The following CHD8 variants were observed in gnomAD, a reference collection of about 807,000 sequenced individuals.
CHD8 encodes chromodomain helicase DNA binding protein 8, also known as ATP-dependent chromatin remodeler CHD8.
CHD8 carries 31 observed loss-of-function variants against 279.2 expected under a neutral mutation model. The ratio of observed to expected loss-of-function variants is 0.11; its 90% CI spans 0.08 to 0.15. CHD8 has a LOEUF of 0.15. Among genes scored for constraint, CHD8 ranks in the 10% least tolerant of loss-of-function variants. The pLI, the probability that CHD8 is intolerant of heterozygous loss-of-function variation, is 1.00. For missense variants in CHD8, 2,146 were observed against 3,230.5 expected, an observed-to-expected ratio of 0.66 and a Z score of 8.14; for synonymous variants, 1,081 against 1,139.6, an observed-to-expected ratio of 0.95 and a Z score of 1.04.
chr14:21,385,662 T>C lies in CHD8; in HGVS notation c.7697A>G (p.Asp2566Gly). The C allele has an allele frequency of 6.4e-7, 1 of 1,551,924 alleles. No individual in the cohort carries two copies. Among genetic ancestry groups the C allele is most frequent in the Non-Finnish European group, 8.7e-7 (1 of 1,147,044 alleles). The stretch of plus-strand genomic sequence containing the variant: ...GTCTGAGTTAGCTGGCATCATAGGA[T>C]CATCAATGAGTGAGAAGTCCCTTTC... The part of the protein sequence containing the change: ...SSERDFSLID[D>G]PMMPANSDSS... Residue 2566 changes from aspartate (D) to glycine (G), a missense_variant, in exon 38 of 38, where the codon GAT becomes GGT. Transcript: ENST00000646647.
intron 5 of CHD8, among the ~76,000 whole-genome samples, chr14:21,421,036 C>T (rs528719208): frequency 5.3e-4 from 80 of 152,278 alleles, no homozygotes; most frequent in African/African-American, 1.8e-3. Context: ...GCTGGGATTA[C>T]CGGCATGAGC....
chr14:21,390,768 CA>C lies in CHD8; in HGVS notation c.7182+178del, dbSNP rs34364818. On this transcript the variant is annotated intron_variant, in intron 37 of 37. Coordinates refer to ENST00000646647, the MANE Select transcript of CHD8 (RefSeq NM_001170629.2). Reference sequence around the variant, plus strand: ...ACGACAGCAGAGTGAGACTCCGTCTCAAAAAAAAAAAAAAAACCCCAGAAAA... The same window carrying C: ...ACGACAGCAGAGTGAGACTCCGTCTCAAAAAAAAAAAAAAACCCCAGAAAA... Among the ~76,000 whole-genome samples, 1,031 of 136,074 alleles carry C rather than the reference CA, an allele frequency of 7.6e-3. 5 individuals carry two copies. Among genetic ancestry groups the C allele is most frequent in the African/African-American group, 0.017 (633 of 36,414 alleles). The allele number at this position is 136,074 out of a possible 152,430, so 89.3% of individuals were successfully genotyped here. A position where few individuals can be genotyped will look rare whatever the true frequency, so the allele number is the denominator to read the frequency against.
rs1318402783 is a variant in CHD8, at chr14:21,405,817, T to C, written c.2955A>G (p.Glu985=). Residue 985 remains glutamate, a synonymous_variant, in exon 15 of 38, where the codon GAA becomes GAG. Coordinates refer to ENST00000646647, the MANE Select transcript of CHD8 (RefSeq NM_001170629.2). This position sits in a 1 kb window ranked among gnomAD's most constrained non-coding sequence, Gnocchi z 4.2. The stretch of plus-strand genomic sequence containing the variant: ...AGAAATGAAGCAAGCTAAACAGTTC[T>C]TCTACAGTATTTTGCAATGGTGTTC... ...LTGTPLQNTV[E]ELFSLLHFLE... is the part of the protein sequence containing the mutation. 2.5e-6 allele frequency: 4 copies of C among 1,613,740 alleles called. No homozygotes were observed. In the African/African-American group the frequency reaches 4.0e-5, roughly 16 times the overall value.
intron 5 of CHD8, 78 bp downstream of exon 5, chr14:21,426,050 T>A: frequency 1.2e-6 from 1 of 862,832 alleles, no homozygotes; most frequent in South Asian, 1.5e-5. Context: ...AGACTTACGA[T>A]TTCTCAATAT....
chr14:21,391,876 G>C lies in CHD8; in HGVS notation c.6842C>G (p.Pro2281Arg), dbSNP rs1264724656. The C allele has an allele frequency of 8.7e-6, 14 of 1,613,696 alleles. No homozygotes were observed. Among genetic ancestry groups the C allele is most frequent in the Non-Finnish European group, 1.1e-5 (13 of 1,179,670 alleles). ...MANGVMGDGH[P>R]LFHKKKGNRK... is the part of the protein sequence containing the mutation. ...GTTCCCCTTCTTCTTATGAAACAGT[G>C]GATGTCCATCTCCCATTACTCCATT... The change falls in exon 35 of 38, where the codon CCA becomes CGA. Residue 2281 changes from proline (P) to arginine (R), a missense_variant. This residue lies in a region of CHD8 where 336 missense variants were observed against 392.9 expected (regional missense o/e 0.86). Coordinates refer to ENST00000646647, the MANE Select transcript of CHD8 (RefSeq NM_001170629.2).
intron 33 of CHD8, 120 bp downstream of exon 33, chr14:21,392,986 A>AC (rs1887617722): frequency 6.3e-6 from 8 of 1,270,138 alleles, no homozygotes; most frequent in East Asian, 2.5e-5. Context: ...AAAAAAAAAA[A>AC]AAACTTGCAG....
rs1445092999 is a variant in CHD8 at position 21,429,291 on chromosome 14, A to G, written c.888T>C (p.Ser296=). Reference sequence around the variant, plus strand: ...CATGCCGATGTCCTTGGGGACCTCCAGACTGTGGCTGCTGGAGGACCAGGG... The same window carrying G: ...CATGCCGATGTCCTTGGGGACCTCCGGACTGTGGCTGCTGGAGGACCAGGG... ...RITLVLQQPQ[S]GGPQGHRHVV... Residue 296 remains serine (S), a synonymous_variant, in exon 3 of 38, where the codon TCT becomes TCC. Transcript: ENST00000646647. 6.2e-7 allele frequency: 1 copy of G among 1,606,412 alleles called. No homozygotes were observed. The highest frequency in any genetic ancestry group is 1.7e-5 in the Admixed American group (1 of 59,702).
Position 21,402,526 on chromosome 14 carries a change from G to A in CHD8, c.3715-23C>T. 4.5e-6 allele frequency: 7 copies of A among 1,552,098 alleles called. No homozygotes were observed. Among genetic ancestry groups the A allele is most frequent in the East Asian group, 2.3e-5 (1 of 43,862 alleles). ...GGCCTGGTTTAAAATAAAAACGAAA[G>A]GAAAGGAGAAAGATATCATAAAATT... On this transcript the variant is annotated intron_variant, in intron 18 of 37. Transcript: ENST00000646647. The surrounding 1 kb of genome is among the most constrained non-coding windows in gnomAD (Gnocchi z 4.5).
At chr14:21,386,720 C>T (rs924344980) in intron 37 of CHD8, among the ~76,000 whole-genome samples, 19 of 151,912 alleles carry the variant, frequency 1.3e-4, no homozygotes, top group African/African-American at 4.4e-4. Flanking sequence ...GCCTGTAGTC[C>T]CACAGCTACT....
In CHD8 at chr14:21,400,290, G is replaced by A; in HGVS notation, c.4588C>T (p.Pro1530Ser). Reference protein sequence around the residue: ...QNHSGLSIPVPRGRKGKKVKS... With the variant: ...QNHSGLSIPVSRGRKGKKVKS... ...ACTTTTTTTCCTTTGCGTCCACGAG[G>A]CACAGGGATAGATAGACCTGGGAAA... is the stretch of plus-strand genomic sequence containing the variant. The change falls in exon 24 of 38, where the codon CCT becomes TCT. Residue 1530 changes from proline (P) to serine (S), a missense_variant. Physicochemically the swap from Pro to Ser is moderately conservative, Grantham distance 74 (BLOSUM62 -1). Transcript: ENST00000646647. This position sits in a 1 kb window ranked among gnomAD's most constrained non-coding sequence, Gnocchi z 4.2. The A allele has an allele frequency of 3.7e-6, 6 of 1,613,938 alleles. No individual in the cohort carries two copies. The highest frequency in any genetic ancestry group is 5.1e-6 in the Non-Finnish European group (6 of 1,179,894).
In CHD8 at chr14:21,415,805, G is replaced by A; in HGVS notation, c.1819C>T (p.Pro607Ser). 6.2e-7 allele frequency: 1 copy of A among 1,613,882 alleles called. No individual in the cohort carries two copies. The highest frequency in any genetic ancestry group is 1.1e-5 in the South Asian group (1 of 91,076). Reference protein sequence around the residue: ...EEEEEVDVTGPIKPEPILPEP... With the variant: ...EEEEEVDVTGSIKPEPILPEP... ...GGGAGGATAGGCTCAGGTTTTATTGGACCAGTTACATCCACCTCTTCTTCT... is the reference window on the plus strand; with the variant it reads ...GGGAGGATAGGCTCAGGTTTTATTGAACCAGTTACATCCACCTCTTCTTCT... The change falls in exon 6 of 38, where the codon CCA becomes TCA. Residue 607 changes from proline (P) to serine (S), a missense_variant. Coordinates refer to ENST00000646647, the MANE Select transcript of CHD8 (RefSeq NM_001170629.2).
chr14:21,426,342 C>G, intron 4 of CHD8, 100 bp from the exon 5 acceptor site: 1 of 642,166 alleles, frequency 1.6e-6, no homozygotes, highest in Non-Finnish European at 2.7e-6. Context: ...AACTTCCAGA[C>G]AGAAGTTTTT....
At chr14:21,399,374 A>G in intron 26 of CHD8, 1 of 510,694 alleles carries the variant, frequency 2.0e-6, no homozygotes, top group South Asian at 2.1e-5. Context: ...TAGAGAACAG[A>G]TGGGAGGCTC....
At chr14:21,386,505 G>A (rs1426360619) in intron 37 of CHD8, among the ~76,000 whole-genome samples, 1 of 152,022 alleles carries the variant, frequency 6.6e-6, no homozygotes, top group African/African-American at 2.4e-5. Context: ...GTTAAGAAGG[G>A]GTCTGGGTAA....
rs1888210301 is a variant in CHD8, at chr14:21,405,219, A to G, written c.3297T>C (p.Tyr1099=). The change falls in exon 16 of 38, where the codon TAT becomes TAC. Residue 1099 remains tyrosine, a synonymous_variant. Transcript: ENST00000646647. This position sits in a 1 kb window ranked among gnomAD's most constrained non-coding sequence, Gnocchi z 4.2. ...MELRKCCNHP[Y]LINGAEEKIL... Reference sequence around the variant, plus strand: ...CAAGCATTCCCTCACCATTGATGAGATATGGGTGGTTGCAGCACTTGCGCA... The same window carrying G: ...CAAGCATTCCCTCACCATTGATGAGGTATGGGTGGTTGCAGCACTTGCGCA... 6.2e-7 allele frequency: 1 copy of G among 1,613,718 alleles called. No homozygotes were observed. Among genetic ancestry groups the G allele is most frequent in the Admixed American group, 1.7e-5 (1 of 59,984 alleles).
In CHD8 at chr14:21,407,029, G is replaced by T; in HGVS notation, c.2734C>A (p.Arg912Ser). The change falls in exon 14 of 38, where the codon CGC (arginine) becomes AGC (serine). Residue 912 changes from arginine (R) to serine (S), a missense_variant. Coordinates refer to ENST00000646647, the MANE Select transcript of CHD8 (RefSeq NM_001170629.2). ...YEMYCKDSRGRLIPGAYKFDA... is the reference protein window; with the variant it reads ...YEMYCKDSRGSLIPGAYKFDA... ...AACTTGTATGCGCCTGGGATGAGGC[G>T]TCCCTAAGCATGAAGGCAGTAAAGT... The T allele has an allele frequency of 6.4e-7, 1 of 1,574,136 alleles. No individual in the cohort carries two copies. Among genetic ancestry groups the T allele is most frequent in the Non-Finnish European group, 8.6e-7 (1 of 1,159,978 alleles).
chr14:21,434,810 C>A (rs1368011206), intron 1 of CHD8, among the ~76,000 whole-genome samples: 1 of 152,106 alleles, frequency 6.6e-6, no homozygotes, highest in Non-Finnish European at 1.5e-5. Context: ...CAAGATTAAA[C>A]CTTCTCCCAA....
rs1265391053 is a variant in CHD8, at chr14:21,386,070, A to G, written c.7289T>C (p.Met2430Thr). The G allele has an allele frequency of 6.3e-7, 1 of 1,584,242 alleles. No individual in the cohort carries two copies. Among genetic ancestry groups the G allele is most frequent in the Admixed American group, 1.8e-5 (1 of 55,800 alleles). The change falls in exon 38 of 38, where the codon ATG (methionine) becomes ACG (threonine). Residue 2430 changes from methionine (M) to threonine (T), a missense_variant. Physicochemically the swap from Met to Thr is moderately conservative, Grantham distance 81. Coordinates refer to ENST00000646647, the MANE Select transcript of CHD8 (RefSeq NM_001170629.2). ...RRMRPDLSKM[M>T]ALMQGGSTGS... ...AGTGCTTCCACCCTGCATGAGGGCC[A>G]TCATCTTAGAAAGGTCTGGTCGCAT...
Position 21,412,898 on chromosome 14 carries a change from G to A in CHD8, c.2226+15C>T, listed in dbSNP as rs373871755. The stretch of plus-strand genomic sequence containing the variant: ...TAAGAGGATGTTCACGTTACTCCAT[G>A]CCTCAACAACTCACCTCCCCATTGT... On this transcript the variant is annotated intron_variant, in intron 10 of 37. Transcript: ENST00000646647. The A allele has an allele frequency of 3.3e-6, 5 of 1,514,706 alleles. No homozygotes were observed. In the African/African-American group the frequency reaches 6.9e-5, roughly 21 times the overall value. The allele number at this position is 1,514,706 out of a possible 1,614,324, so 93.8% of individuals were successfully genotyped here.
Sources: allele counts gnomAD v4.1 joint callset (sites outside exome capture counted in the v4.1 genomes callset), GRCh38; gene constraint gnomAD v4.1.1; regional missense constraint gnomAD v4.1.1; non-coding constraint Gnocchi (gnomAD v3.1); transcripts MANE v1.5; gene names NCBI Gene and HGNC (gene_info 2026-07-23, HGNC 2026-07-21).